Variants in BCL11A observed in about 807,000 individuals in gnomAD.
BCL11A encodes the protein BCL11 transcription factor A.
BCL11A carries 2 observed loss-of-function variants against 55.9 expected under a neutral mutation model. That is an observed-to-expected ratio of 0.04 (90% CI 0.01 to 0.11). The LOEUF is 0.11. BCL11A is among the 10% of genes least tolerant of loss of function. The pLI, the probability that BCL11A is intolerant of heterozygous loss-of-function variation, is 1.00. For synonymous variants in BCL11A, 465 were observed against 473.4 expected, an observed-to-expected ratio of 0.98 and a Z score of 0.23; for missense variants, 817 against 1,137.1, an observed-to-expected ratio of 0.72 and a Z score of 4.05.
At chr2:60,495,394 G>A (rs1048086986) in intron 2 of BCL11A, among the ~76,000 whole-genome samples, 1 of 152,204 alleles carries the variant, frequency 6.6e-6, no homozygotes, top group African/African-American at 2.4e-5. Context: ...CTTTGCACTG[G>A]AATCAGCTAT....
At position 60,467,078 on chromosome 2, in the gene BCL11A, G is replaced by A. The variant is rs77447082; in HGVS notation, c.487+1654C>T. Among the ~76,000 whole-genome samples the A allele has an allele frequency of 3.7e-4, 55 of 148,250 alleles. No individual in the cohort carries two copies. The East Asian group carries it at 7.4e-3, about 20-fold the overall frequency. The stretch of plus-strand genomic sequence containing the variant: ...CAAGTAAATGGTGGTGGCAGTGGTG[G>A]TGGTGGTGGTGGTGGTGATGATGGT... On this transcript the variant is annotated intron_variant, in intron 3 of 3. Coordinates refer to ENST00000642384, the MANE Select transcript of BCL11A (RefSeq NM_022893.4).
At position 60,530,948 on chromosome 2, in the gene BCL11A, C is replaced by T. The variant is rs371682367; in HGVS notation, c.385+15023G>A. ...TAAACAAAGTGCTTCAAGTTCAGGG[C>T]GCACCCTGGGACCCCTGACAAAACA... is the stretch of plus-strand genomic sequence containing the variant. On this transcript the variant is annotated intron_variant, in intron 2 of 3. Transcript: ENST00000642384. 1.1e-4 allele frequency among the ~76,000 whole-genome samples: 17 copies of T among 152,274 alleles called. No individual in the cohort carries two copies. The South Asian group carries it at 2.7e-3, about 24-fold the overall frequency.
intron 2 of BCL11A, among the ~76,000 whole-genome samples, chr2:60,469,481 A>G: frequency 6.6e-6 from 1 of 152,228 alleles, no homozygotes; most frequent in East Asian, 1.9e-4. Context: ...GGCTTCTCAC[A>G]ATACAAAGCA....
chr2:60,490,407 T>C (rs1678557824), intron 2 of BCL11A, among the ~76,000 whole-genome samples: 1 of 152,210 alleles, frequency 6.6e-6, no homozygotes, highest in Non-Finnish European at 1.5e-5. Context: ...CAATTTTCTA[T>C]TCCAGTCTTA....
chr2:60,509,093 G>A (rs760294371), intron 2 of BCL11A, among the ~76,000 whole-genome samples: 1 of 152,166 alleles, frequency 6.6e-6, no homozygotes, highest in Non-Finnish European at 1.5e-5. Flanking sequence ...ATCAGACTCC[G>A]AAATCACAGG....
intron 1 of BCL11A, among the ~76,000 whole-genome samples, chr2:60,550,183 C>T (rs996419747): frequency 6.6e-6 from 1 of 152,128 alleles, no homozygotes; most frequent in Non-Finnish European, 1.5e-5. Context: ...ACTCCCGGTT[C>T]CTCCCTACCA....
chr2:60,454,976 CTG>C (rs1403884003), downstream of BCL11A, among the ~76,000 whole-genome samples: 1 of 152,216 alleles, frequency 6.6e-6, no homozygotes, highest in Non-Finnish European at 1.5e-5. Context: ...AAATGAAGAA[CTG>C]TGTTCACCTC....
chr2:60,454,753 G>A (rs539274229), downstream of BCL11A, among the ~76,000 whole-genome samples: 1 of 152,272 alleles, frequency 6.6e-6, no homozygotes, highest in Admixed American at 6.5e-5. Context: ...CTGTGTCTGT[G>A]AATAAACCAC....
chr2:60,501,816 T>A (rs1012788966), intron 2 of BCL11A, among the ~76,000 whole-genome samples: 2 of 152,130 alleles, frequency 1.3e-5, no homozygotes, highest in African/African-American at 4.8e-5. Flanking sequence ...TTACACTGCT[T>A]TCTTAATTAC....
chr2:60,457,268 C>T lies in BCL11A; in HGVS notation c.*3136G>A. On this transcript the variant is annotated 3_prime_UTR_variant, in exon 4 of 4. Transcript: ENST00000642384. ...TGAACAGGTTAATGCAGACAACTGC[C>T]AAAAAAACACAGACAGTGGTTTTTC... 9.9e-7 allele frequency: 1 copy of T among 1,012,162 alleles called. No homozygotes were observed. Among genetic ancestry groups the T allele is most frequent in the Non-Finnish European group, 1.2e-6 (1 of 846,476 alleles). The allele number at this position is 1,012,162 out of a possible 1,614,324, so 62.7% of individuals were successfully genotyped here. A position where few individuals can be genotyped will look rare whatever the true frequency, so the allele number is the denominator to read the frequency against.
At chr2:60,452,519 G>T, downstream of BCL11A, 1 of 1,391,196 alleles carries the variant, frequency 7.2e-7, no homozygotes, top group Non-Finnish European at 1.0e-6. Flanking sequence ...GACAGACCAC[G>T]CTGACGTCGA....
At chr2:60,497,003 A>C (rs907876744) in intron 2 of BCL11A, among the ~76,000 whole-genome samples, 1 of 152,246 alleles carries the variant, frequency 6.6e-6, no homozygotes, top group East Asian at 1.9e-4. Flanking sequence ...TCTGGATTCC[A>C]AAGGGACTAT....
At position 60,458,007 on chromosome 2, in the gene BCL11A, T is replaced by TA. The variant is rs1421531824; in HGVS notation, c.*2396dup. The stretch of plus-strand genomic sequence containing the variant: ...TTTGCACTATATTATCCTGCCAAAT[T>TA]AAAAAAATATACTGTGGCAGCCTGT... On this transcript the variant is annotated 3_prime_UTR_variant, in exon 4 of 4. Transcript: ENST00000642384. The TA allele has an allele frequency of 1.5e-5, 15 of 1,033,052 alleles. No individual in the cohort carries two copies. In the African/African-American group the frequency reaches 1.5e-4, roughly 10 times the overall value. 64.0% of individuals were successfully genotyped at this position (1,033,052 alleles called of 1,614,324 possible). A position where few individuals can be genotyped will look rare whatever the true frequency, so the allele number is the denominator to read the frequency against.
intron 2 of BCL11A, among the ~76,000 whole-genome samples, chr2:60,480,070 T>C (rs1677867212): frequency 6.6e-6 from 1 of 152,114 alleles, no homozygotes; most frequent in African/African-American, 2.4e-5. Context: ...TGGAGCAAGC[T>C]GTGGACTTCC....
chr2:60,467,695 G>GGTGGTA (rs1676858484), intron 3 of BCL11A, among the ~76,000 whole-genome samples: 1 of 84,478 alleles, frequency 1.2e-5, no homozygotes, highest in Non-Finnish European at 2.5e-5. Context: ...TGGTGGTGGT[G>GGTGGTA]GTGATGGTAC....
downstream of BCL11A, among the ~76,000 whole-genome samples, chr2:60,456,178 G>A (rs183374999): frequency 7.8e-4 from 118 of 152,214 alleles, no homozygotes; most frequent in African/African-American, 1.3e-3. Context: ...AGAACTGAGC[G>A]ACAAAAAATG....
downstream of BCL11A, among the ~76,000 whole-genome samples, chr2:60,453,695 T>A (rs1485733112): frequency 6.6e-6 from 1 of 152,218 alleles, no homozygotes; most frequent in Non-Finnish European, 1.5e-5. Context: ...ATTCAAATTC[T>A]AATAGACAAA....
At chr2:60,531,808 T>C (rs912285304) in intron 2 of BCL11A, among the ~76,000 whole-genome samples, 5 of 152,182 alleles carry the variant, frequency 3.3e-5, no homozygotes, top group Non-Finnish European at 5.9e-5. Flanking sequence ...TGCTTCCCTC[T>C]TCCTAACCAC....
Position 60,546,422 on chromosome 2 carries a change from A to G in BCL11A, c.56-122T>C, listed in dbSNP as rs1276097823. 2 of 817,256 alleles carry G rather than the reference A, an allele frequency of 2.4e-6. No homozygotes were observed. Among genetic ancestry groups the G allele is most frequent in the Admixed American group, 5.8e-5 (2 of 34,774 alleles). 50.6% of individuals were successfully genotyped at this position (817,256 alleles called of 1,614,324 possible). Reference sequence around the variant, plus strand: ...GTAAAGTGTTTCTAGGCTTCTCTATATAATACCCAGAAAATGTGAGCATAC... The same window carrying G: ...GTAAAGTGTTTCTAGGCTTCTCTATGTAATACCCAGAAAATGTGAGCATAC... On this transcript the variant is annotated intron_variant, in intron 1 of 3. Transcript: ENST00000642384. This position sits in a 1 kb window ranked among gnomAD's most constrained non-coding sequence, Gnocchi z 4.1.
Sources: gnomAD v4.1 joint callset for allele counts (sites outside exome capture counted in the v4.1 genomes callset) on GRCh38, gnomAD v4.1.1 for gene constraint, Gnocchi (gnomAD v3.1) non-coding constraint, MANE v1.5 for transcripts, NCBI Gene and HGNC (gene_info 2026-07-23, HGNC 2026-07-21) for gene names.